BAG6: variants seen among roughly 807,000 people sequenced by gnomAD.
The protein encoded by BAG6 is BAG cochaperone 6.
In BAG6, 22 loss-of-function variants were observed where a neutral mutation model predicts 121.0. The observed-to-expected ratio is 0.18, with a 90% confidence interval of 0.13 to 0.26. The LOEUF (loss-of-function observed/expected upper bound fraction) is 0.26. Among genes scored for constraint, BAG6 ranks in the 10% least tolerant of loss-of-function variants. The probability of loss-of-function intolerance (pLI) is 1.00; values close to 1 mark genes in which losing one functional copy is unlikely to be tolerated. For synonymous variants in BAG6, 583 were observed against 584.6 expected (o/e 1.00, Z 0.04); for missense variants, 1,233 against 1,537.7 (o/e 0.80, Z 3.31).
rs767668122 is a variant in BAG6 at position 31,640,574 on chromosome 6, C to T, written c.2995-46G>A. ...AGAGCCAGGCTTCAGAATTTTTAGC[C>T]TCCAAACCTTTCTCCCCCAGCCCTC... On this transcript the variant is annotated intron_variant, in intron 22 of 25. Transcript: ENST00000676615. The surrounding 1 kb of genome is among the most constrained non-coding windows in gnomAD (Gnocchi z 4.2). 8.1e-6 allele frequency: 13 copies of T among 1,612,534 alleles called. No homozygotes were observed. Among genetic ancestry groups the T allele is most frequent in the Non-Finnish European group, 1.1e-5 (13 of 1,179,740 alleles).
rs373845420 is a variant in BAG6 at position 31,644,529 on chromosome 6, G to C, written c.1443C>G (p.Thr481=). Residue 481 remains threonine (T), a synonymous_variant, in exon 11 of 26, where the codon ACC becomes ACG. Coordinates refer to ENST00000676615, the MANE Select transcript of BAG6 (RefSeq NM_001387994.1). This position sits in a 1 kb window ranked among gnomAD's most constrained non-coding sequence, Gnocchi z 4.9. ...CCCTGATGCCCTCACTCTTACCCAG[G>C]GTTTGGCCATGACCAGGGGGTCCCA... is the stretch of plus-strand genomic sequence containing the variant. ...GPLGPPGHGQ[T]LGSTLIQLPS... 1.2e-6 allele frequency: 2 copies of C among 1,610,166 alleles called. No homozygotes were observed. Among genetic ancestry groups the C allele is most frequent in the Non-Finnish European group, 1.7e-6 (2 of 1,178,612 alleles).
Position 31,639,122 on chromosome 6 carries a change from A to G in BAG6, c.*9T>C. The G allele has an allele frequency of 6.2e-7, 1 of 1,605,048 alleles. No homozygotes were observed. Among genetic ancestry groups the G allele is most frequent in the Non-Finnish European group, 8.5e-7 (1 of 1,174,732 alleles). On this transcript the variant is annotated 3_prime_UTR_variant, in exon 26 of 26. Transcript: ENST00000676615. Reference sequence around the variant, plus strand: ...GTCCCCTGATGAGGAAGGGCCATAGAGCAAAGAGCTAAGGATCATCAGCAA... The same window carrying G: ...GTCCCCTGATGAGGAAGGGCCATAGGGCAAAGAGCTAAGGATCATCAGCAA...
Position 31,644,724 on chromosome 6 carries a change from C to G in BAG6, c.1370-122G>C. On this transcript the variant is annotated intron_variant, in intron 10 of 25. Coordinates refer to ENST00000676615, the MANE Select transcript of BAG6 (RefSeq NM_001387994.1). This position sits in a 1 kb window ranked among gnomAD's most constrained non-coding sequence, Gnocchi z 4.9. ...CCAATCAGAAAGCCTGCCTTTCCCTCCATCTAAACAGGGAGAGGTACTCCC... is the reference window on the plus strand; with the variant it reads ...CCAATCAGAAAGCCTGCCTTTCCCTGCATCTAAACAGGGAGAGGTACTCCC... 1 of 1,283,596 alleles carries G rather than the reference C, an allele frequency of 7.8e-7. No homozygotes were observed. Among genetic ancestry groups the G allele is most frequent in the Non-Finnish European group, 1.1e-6 (1 of 894,088 alleles). The allele number at this position is 1,283,596 out of a possible 1,614,324, so 79.5% of individuals were successfully genotyped here. A position where few individuals can be genotyped will look rare whatever the true frequency, so the allele number is the denominator to read the frequency against.
At chr6:31,646,367 A>G (rs1789225871) in intron 8 of BAG6, 27 bp downstream of exon 8, 1 of 1,606,430 alleles carries the variant, frequency 6.2e-7, no homozygotes, top group Non-Finnish European at 8.5e-7. Flanking sequence ...GGCTGAGGAG[A>G]AAGGGCAGGG....
At chr6:31,643,739 A>AAAAAAAAAAAAAAAAAC (rs1785477308) in intron 14 of BAG6, 151 bp downstream of exon 14, 2 of 547,778 alleles carry the variant, frequency 3.7e-6, no homozygotes, top group Non-Finnish European at 3.0e-6. Context: ...AAAAAAAAAA[A>AAAAAAAAAAAAAAAAAC]AAAAAAAGCT....
In BAG6 at chr6:31,641,068, CA is replaced by C. The variant is rs1436557672; in HGVS notation, c.2787+35del. The C allele has an allele frequency of 6.2e-7, 1 of 1,609,840 alleles. No homozygotes were observed. The highest frequency in any genetic ancestry group is 2.2e-5 in the East Asian group (1 of 44,828). Reference sequence around the variant, plus strand: ...TGCAGAGAATGGAAACCTCAGGAAACAAAAGGCTAAGGATCTGGGGCTAGGT... The same window carrying C: ...TGCAGAGAATGGAAACCTCAGGAAACAAAGGCTAAGGATCTGGGGCTAGGT... On this transcript the variant is annotated intron_variant, in intron 20 of 25. Coordinates refer to ENST00000676615, the MANE Select transcript of BAG6 (RefSeq NM_001387994.1). The surrounding 1 kb of genome is among the most constrained non-coding windows in gnomAD (Gnocchi z 5.7).
rs554159674 is a variant in BAG6, at chr6:31,640,796, G to A, written c.2930C>T (p.Pro977Leu). ...LRYVRRVGDP[P>L]QPLPEEPMEV... The stretch of plus-strand genomic sequence containing the variant: ...ATCGCCCAACAGGTCCCTTACCTGG[G>A]GGGGATCACCAACCCTGCGAACGTA... The change falls in exon 21 of 26, where the codon CCC (proline) becomes CTC (leucine). Residue 977 changes from proline (P) to leucine (L), a missense_variant. Around this residue, in one of 7 missense-constraint regions of BAG6, gnomAD observed 288 missense variants for 483.1 expected, o/e 0.60. Transcript: ENST00000676615. This position sits in a 1 kb window ranked among gnomAD's most constrained non-coding sequence, Gnocchi z 4.2. 4 of 1,612,704 alleles carry A rather than the reference G, an allele frequency of 2.5e-6. No individual in the cohort carries two copies. The highest frequency in any genetic ancestry group is 2.7e-5 in the African/African-American group (2 of 74,980).
rs1253992681 is a variant in BAG6, at chr6:31,647,761, C to T, written c.618G>A (p.Glu206=). Residue 206 remains glutamate (E), a synonymous_variant, in exon 7 of 26, where the codon GAG becomes GAA. Transcript: ENST00000676615. ...PPPQPPAVTP[E]PVALSSQTSE... The stretch of plus-strand genomic sequence containing the variant: ...ATGTTTGAGAGCTCAAGGCTACTGG[C>T]TCCGGGGTCACAGCCGGTGGCTGCG... The T allele has an allele frequency of 6.2e-7, 1 of 1,600,608 alleles. No homozygotes were observed. The highest frequency in any genetic ancestry group is 8.5e-7 in the Non-Finnish European group (1 of 1,175,102).
chr6:31,646,448 CAAG>C lies in BAG6; in HGVS notation c.861_863del (p.Phe287del). ...CACCCAGAACCTCGTAGTAGCGCTGCAAGAAGGGCTGGAGGCGACTCTCCAGCC... is the reference window on the plus strand; with the variant it reads ...CACCCAGAACCTCGTAGTAGCGCTGCAAGGGCTGGAGGCGACTCTCCAGCC... On this transcript the variant is annotated inframe_deletion, in exon 8 of 26. Transcript: ENST00000676615. 6.2e-7 allele frequency: 1 copy of C among 1,612,968 alleles called. No homozygotes were observed. Among genetic ancestry groups the C allele is most frequent in the Non-Finnish European group, 8.5e-7 (1 of 1,180,024 alleles).
At chr6:31,646,214 A>G (rs2844464) in intron 8 of BAG6, among the ~76,000 whole-genome samples, 180 bp downstream of exon 8, 123,028 of 152,124 alleles carry the variant, frequency 0.81, 49,965 homozygotes, top group East Asian at 0.85. Context: ...TCAAACTCCC[A>G]ATCTCAGATG....
intron 16 of BAG6, 33 bp downstream of exon 16, chr6:31,642,078 TC>T: frequency 6.2e-7 from 1 of 1,603,320 alleles, no homozygotes; most frequent in Non-Finnish European, 8.5e-7. Flanking sequence ...GGCTGCCCCT[TC>T]CTGGAGCAAG....
At chr6:31,650,180 A>C (rs805302) in intron 2 of BAG6, among the ~76,000 whole-genome samples, 67,183 of 151,576 alleles carry the variant, frequency 0.44, 15,566 homozygotes, top group African/African-American at 0.59. Flanking sequence ...CAAAAAAAAA[A>C]CACATGGACA....
rs374380148 is a variant in BAG6, at chr6:31,639,110, G to A, written c.*21C>T. 5.7e-6 allele frequency: 9 copies of A among 1,589,356 alleles called. No homozygotes were observed. Among genetic ancestry groups the A allele is most frequent in the East Asian group, 2.2e-5 (1 of 44,644 alleles). On this transcript the variant is annotated 3_prime_UTR_variant, in exon 26 of 26. Coordinates refer to ENST00000676615, the MANE Select transcript of BAG6 (RefSeq NM_001387994.1). ...AGGGGGGAAACGGTCCCCTGATGAG[G>A]AAGGGCCATAGAGCAAAGAGCTAAG...
At chr6:31,651,409 C>T (rs1796570881) in intron 2 of BAG6, among the ~76,000 whole-genome samples, 3 of 152,102 alleles carry the variant, frequency 2.0e-5, no homozygotes, top group African/African-American at 7.2e-5. Flanking sequence ...TATAGTGGCA[C>T]ACGCCTATAA....
rs1440553573 is a variant in BAG6 at position 31,644,884 on chromosome 6, ACCTCAGCATGAACCTC to A, written c.1369+46_1369+61del. ...TCCCTTCCCCACCCTGTTCCCTCAC[ACCTCAGCATGAACCTC>A]CCTCATCATGCTGATCCTGCTCTTC... On this transcript the variant is annotated intron_variant, in intron 10 of 25. Transcript: ENST00000676615. This position sits in a 1 kb window ranked among gnomAD's most constrained non-coding sequence, Gnocchi z 4.9. 6.5e-7 allele frequency: 1 copy of A among 1,535,406 alleles called. No individual in the cohort carries two copies. Among genetic ancestry groups the A allele is most frequent in the African/African-American group, 1.4e-5 (1 of 72,490 alleles).
chr6:31,649,553 G>A lies in BAG6; in HGVS notation c.183C>T (p.Tyr61=), dbSNP rs1793983737. The change falls in exon 3 of 26, where the codon TAC becomes TAT. Residue 61 remains tyrosine, a synonymous_variant. Coordinates refer to ENST00000676615, the MANE Select transcript of BAG6 (RefSeq NM_001387994.1). ...TATCATCTTGCAGAACTCGTCCCTG[G>A]TAAATGAGCCGTTGTTTTTCAGATG... The part of the protein sequence containing the change: ...SIPSEKQRLI[Y]QGRVLQDDKK... The A allele has an allele frequency of 6.2e-7, 1 of 1,614,020 alleles. No individual in the cohort carries two copies. Among genetic ancestry groups the A allele is most frequent in the Admixed American group, 1.7e-5 (1 of 60,000 alleles).
intron 7 of BAG6, among the ~76,000 whole-genome samples, chr6:31,647,267 C>T (rs1790768692): frequency 6.6e-6 from 1 of 152,168 alleles, no homozygotes; most frequent in African/African-American, 2.4e-5. Context: ...TGCTCCCACC[C>T]TCCCCACCAC....
rs569186409 is a variant in BAG6 at position 31,644,608 on chromosome 6, C to A, written c.1370-6G>T. On this transcript the variant is annotated splice_polypyrimidine_tract_variant and splice_region_variant and intron_variant, in intron 10 of 25. Transcript: ENST00000676615. The surrounding 1 kb of genome is among the most constrained non-coding windows in gnomAD (Gnocchi z 4.9). ...ACCAGGCTGTGTGCCAGAATCTGGG[C>A]AGGGAGACAGAGACAGTGGCCCTGA... 48 of 1,612,370 alleles carry A rather than the reference C, an allele frequency of 3.0e-5. No homozygotes were observed. Among genetic ancestry groups the A allele is most frequent in the Non-Finnish European group, 4.0e-5 (47 of 1,179,768 alleles).
chr6:31,640,997 T>C lies in BAG6; in HGVS notation c.2788-59A>G. On this transcript the variant is annotated intron_variant, in intron 20 of 25. Coordinates refer to ENST00000676615, the MANE Select transcript of BAG6 (RefSeq NM_001387994.1). This position sits in a 1 kb window ranked among gnomAD's most constrained non-coding sequence, Gnocchi z 4.2. Reference sequence around the variant, plus strand: ...CCCTCAACCACCTTTAGAAATAGATTAGATCCAGGTTACAGAATGTCAGTT... The same window carrying C: ...CCCTCAACCACCTTTAGAAATAGATCAGATCCAGGTTACAGAATGTCAGTT... 6.2e-7 allele frequency: 1 copy of C among 1,600,646 alleles called. No homozygotes were observed. The highest frequency in any genetic ancestry group is 8.5e-7 in the Non-Finnish European group (1 of 1,173,228).
Sources: gnomAD v4.1 joint callset for allele counts (sites outside exome capture counted in the v4.1 genomes callset) on GRCh38, gnomAD v4.1.1 for gene constraint, gnomAD v4.1.1 regional missense constraint, Gnocchi (gnomAD v3.1) non-coding constraint, MANE v1.5 for transcripts, NCBI Gene and HGNC (gene_info 2026-07-23, HGNC 2026-07-21) for gene names.